CADM2: variants seen among roughly 807,000 people sequenced by gnomAD.
CADM2 encodes the protein cell adhesion molecule 2.
Under a neutral mutation model 49.8 loss-of-function variants are expected in CADM2, and 12 were observed. That is an observed-to-expected ratio of 0.24 (90% CI 0.15 to 0.39). The LOEUF (loss-of-function observed/expected upper bound fraction) is 0.39. CADM2 is among the 10% of genes least tolerant of loss of function. The pLI is 1.00. For synonymous variants in CADM2, 214 were observed against 175.4 expected (o/e 1.22, Z -1.74); for missense variants, 378 against 492.3 (o/e 0.77, Z 2.20).
At chr3:85,530,904 ACACACACAC>A (rs1559890281) in intron 1 of CADM2, among the ~76,000 whole-genome samples, 2 of 148,872 alleles carry the variant, frequency 1.3e-5, no homozygotes, top group African/African-American at 5.1e-5. Flanking sequence ...ACACACACAC[ACACACACAC>A]AAAATTCATT....
chr3:85,702,837 A>G (rs893823446), intron 1 of CADM2, among the ~76,000 whole-genome samples: 4 of 152,164 alleles, frequency 2.6e-5, no homozygotes, highest in Non-Finnish European at 5.9e-5. Context: ...TGGAGTAATT[A>G]GTCAAATGAT....
chr3:85,582,614 T>C (rs975267399), intron 1 of CADM2, among the ~76,000 whole-genome samples: 3 of 152,100 alleles, frequency 2.0e-5, no homozygotes, highest in African/African-American at 7.2e-5. Flanking sequence ...TGGTTTCTTT[T>C]CTCATGAGGG....
intron 1 of CADM2, among the ~76,000 whole-genome samples, chr3:85,009,424 C>T (rs1161344380): frequency 1.3e-5 from 2 of 152,086 alleles, no homozygotes; most frequent in Non-Finnish European, 2.9e-5. Context: ...AAATGGGTAT[C>T]TTTGGATAAC....
intron 1 of CADM2, among the ~76,000 whole-genome samples, chr3:85,450,620 A>G (rs898142114): frequency 6.6e-6 from 1 of 152,012 alleles, no homozygotes; most frequent in Non-Finnish European, 1.5e-5. Flanking sequence ...ATTTTCATAA[A>G]TTTTTGTATT....
intron 8 of CADM2, among the ~76,000 whole-genome samples, chr3:86,044,902 C>G (rs989153779): frequency 1.3e-5 from 2 of 152,024 alleles, no homozygotes; most frequent in Admixed American, 6.6e-5. Context: ...AGTTCATGTC[C>G]TTTTTAGGGA....
chr3:85,890,648 G>A (rs1485145299), intron 5 of CADM2, among the ~76,000 whole-genome samples: 2 of 151,924 alleles, frequency 1.3e-5, no homozygotes, highest in African/African-American at 4.8e-5. Flanking sequence ...CTGTGACATA[G>A]GTTTGTGAAA....
intron 6 of CADM2, among the ~76,000 whole-genome samples, chr3:85,931,979 T>C (rs182316568): frequency 2.1e-4 from 32 of 151,672 alleles, no homozygotes; most frequent in Admixed American, 2.0e-3. Flanking sequence ...AGGTTTTAAG[T>C]AGTAAGTTGA....
chr3:85,003,328 G>C (rs1318608050), intron 1 of CADM2, among the ~76,000 whole-genome samples: 1 of 151,990 alleles, frequency 6.6e-6, no homozygotes, highest in Non-Finnish European at 1.5e-5. Context: ...AATACATTTT[G>C]CTACAATTGT....
chr3:85,697,107 T>TATATGG (rs2066590349), intron 1 of CADM2, among the ~76,000 whole-genome samples: 1 of 135,168 alleles, frequency 7.4e-6, no homozygotes, highest in East Asian at 2.0e-4. Context: ...GCCATATATA[T>TATATGG]ATATGGCATA....
At chr3:85,775,577 C>A (rs2070320839) in intron 2 of CADM2, among the ~76,000 whole-genome samples, 1 of 151,720 alleles carries the variant, frequency 6.6e-6, no homozygotes, top group African/African-American at 2.4e-5. Context: ...TTATAAACTG[C>A]TTTTTAAAAA....
chr3:85,671,445 C>T (rs182524325), intron 1 of CADM2, among the ~76,000 whole-genome samples: 1 of 152,228 alleles, frequency 6.6e-6, no homozygotes, highest in Admixed American at 6.5e-5. Flanking sequence ...TAGCTGAATA[C>T]CACTCTTTCA....
intron 1 of CADM2, among the ~76,000 whole-genome samples, chr3:85,332,271 C>G (rs2044950028): frequency 2.0e-5 from 3 of 151,858 alleles, no homozygotes; most frequent in Non-Finnish European, 4.4e-5. Flanking sequence ...AATACAGGCT[C>G]CAAATTTCCA....
At chr3:85,515,747 G>C (rs1349601775) in intron 1 of CADM2, among the ~76,000 whole-genome samples, 3 of 151,414 alleles carry the variant, frequency 2.0e-5, no homozygotes, top group African/African-American at 7.3e-5. Flanking sequence ...AAAGTCCTGG[G>C]ATTACAGACA....
At chr3:86,048,136 A>G (rs1736885283) in intron 8 of CADM2, among the ~76,000 whole-genome samples, 1 of 152,122 alleles carries the variant, frequency 6.6e-6, no homozygotes, top group African/African-American at 2.4e-5. Flanking sequence ...AATGGAAGAC[A>G]TCAACTAAAT....
chr3:85,704,863 A>T (rs988634745), intron 1 of CADM2, among the ~76,000 whole-genome samples: 52 of 148,328 alleles, frequency 3.5e-4, no homozygotes, highest in African/African-American at 1.2e-3. Context: ...TATTATTATT[A>T]TTATTTTTTT....
At position 85,986,331 on chromosome 3, in the gene CADM2, C is replaced by T. The variant is rs575044025; in HGVS notation, c.970+24684C>T. Among the ~76,000 whole-genome samples, 57 of 152,056 alleles carry T rather than the reference C, an allele frequency of 3.7e-4. No homozygotes were observed. In the South Asian group the frequency reaches 0.012, roughly 31 times the overall value. On this transcript the variant is annotated intron_variant, in intron 8 of 9. Transcript: ENST00000383699. ...AATCATTATAGCTCTGAGTTAATCA[C>T]CATAAATGTACTCAAATAGAACATT...
intron 1 of CADM2, among the ~76,000 whole-genome samples, chr3:85,106,416 G>T (rs990933142): frequency 6.6e-6 from 1 of 152,078 alleles, no homozygotes; most frequent in Non-Finnish European, 1.5e-5. Context: ...CATCCACCTG[G>T]TTTGAAGTGT....
intron 1 of CADM2, among the ~76,000 whole-genome samples, chr3:85,498,707 A>G (rs1384603897): frequency 6.6e-6 from 1 of 152,178 alleles, no homozygotes; most frequent in Non-Finnish European, 1.5e-5. Flanking sequence ...AAACACGCAT[A>G]AAATAAGCTT....
intron 2 of CADM2, among the ~76,000 whole-genome samples, chr3:85,730,286 A>G (rs1338419557): frequency 2.0e-5 from 3 of 151,970 alleles, no homozygotes; most frequent in Non-Finnish European, 2.9e-5. Context: ...TACTAAAAAT[A>G]CAAAAAATAG....
Sources: gnomAD v4.1 joint callset for allele counts (sites outside exome capture counted in the v4.1 genomes callset) on GRCh38, gnomAD v4.1.1 for gene constraint, MANE v1.5 for transcripts, NCBI Gene and HGNC (gene_info 2026-07-23, HGNC 2026-07-21) for gene names.